The following VAV3 variants were observed in gnomAD, a reference collection of about 807,000 sequenced individuals.
VAV3 encodes the protein guanine nucleotide exchange factor VAV3.
A neutral mutation model predicts 131.2 loss-of-function variants in VAV3; 94 were observed. The observed-to-expected ratio is 0.72, with a 90% CI of 0.61 to 0.85. VAV3 has a LOEUF of 0.85. VAV3 is among the 40% of genes least tolerant of loss of function. The pLI is 0.00. For missense variants in VAV3, 939 were observed against 1,002.7 expected (o/e 0.94, Z 0.86); for synonymous variants, 349 against 342.0 (o/e 1.02, Z -0.22).
At chr1:107,948,395 C>T (rs1674372556) in intron 1 of VAV3, among the ~76,000 whole-genome samples, 1 of 152,074 alleles carries the variant, frequency 6.6e-6, no homozygotes, top group Admixed American at 6.6e-5. Flanking sequence ...GTAATGAAAA[C>T]CTGCATTTAG....
chr1:107,681,716 C>G (rs555971335), intron 19 of VAV3, among the ~76,000 whole-genome samples: 14 of 149,556 alleles, frequency 9.4e-5, no homozygotes, highest in Non-Finnish European at 1.8e-4. Context: ...TGCAGTGGCG[C>G]GATCTCGGCT....
intron 1 of VAV3, among the ~76,000 whole-genome samples, chr1:107,894,791 T>G (rs1159050835): frequency 2.0e-5 from 3 of 152,122 alleles, no homozygotes; most frequent in African/African-American, 7.2e-5. Context: ...CCCAAACATT[T>G]CCCCCATAGA....
chr1:107,953,866 C>A (rs901162721), intron 1 of VAV3, among the ~76,000 whole-genome samples: 2 of 152,188 alleles, frequency 1.3e-5, no homozygotes, highest in Non-Finnish European at 2.9e-5. Flanking sequence ...TATTAATTGA[C>A]CCTTTAAAGA....
At chr1:107,671,041 C>T (rs1373581555) in intron 19 of VAV3, among the ~76,000 whole-genome samples, 1 of 152,158 alleles carries the variant, frequency 6.6e-6, no homozygotes, top group African/African-American at 2.4e-5. Flanking sequence ...TTTGAAATGG[C>T]AAAGTTTCTT....
intron 20 of VAV3, among the ~76,000 whole-genome samples, chr1:107,624,590 A>T (rs1215941014): frequency 6.6e-6 from 1 of 152,184 alleles, no homozygotes; most frequent in Non-Finnish European, 1.5e-5. Context: ...AGGCTTAACA[A>T]AGGTCCAAAG....
intron 2 of VAV3, among the ~76,000 whole-genome samples, chr1:107,809,182 C>T (rs1385476805): frequency 6.6e-6 from 1 of 152,144 alleles, no homozygotes; most frequent in Non-Finnish European, 1.5e-5. Flanking sequence ...AAAGCCTCAT[C>T]ATTTCTTTCT....
intron 2 of VAV3, among the ~76,000 whole-genome samples, chr1:107,843,829 A>G (rs1236264036): frequency 6.6e-6 from 1 of 151,988 alleles, no homozygotes; most frequent in African/African-American, 2.4e-5. Flanking sequence ...ACGTACCCCT[A>G]CAGAGCGGGG....
chr1:107,694,803 T>G (rs1191632494), intron 17 of VAV3, among the ~76,000 whole-genome samples: 2 of 152,180 alleles, frequency 1.3e-5, no homozygotes, highest in Admixed American at 1.3e-4. Flanking sequence ...CACTACTTCC[T>G]TGAGGTCAAA....
At chr1:107,706,690 A>G (rs1660474756) in intron 15 of VAV3, among the ~76,000 whole-genome samples, 1 of 152,174 alleles carries the variant, frequency 6.6e-6, no homozygotes, top group African/African-American at 2.4e-5. Flanking sequence ...TGAAAACTCC[A>G]TCAAAACCTG....
At chr1:107,918,007 T>C (rs1173480962) in intron 1 of VAV3, among the ~76,000 whole-genome samples, 1 of 152,212 alleles carries the variant, frequency 6.6e-6, no homozygotes, top group Non-Finnish European at 1.5e-5. Context: ...CAGTTAATTA[T>C]TTAATCGACA....
intron 1 of VAV3, among the ~76,000 whole-genome samples, chr1:107,875,635 T>C (rs1231773622): frequency 1.3e-5 from 2 of 152,084 alleles, no homozygotes; most frequent in Non-Finnish European, 2.9e-5. Context: ...ATGATGAAGA[T>C]CTTTATGGGA....
chr1:107,903,265 G>C (rs1671956706), intron 1 of VAV3, among the ~76,000 whole-genome samples: 1 of 152,192 alleles, frequency 6.6e-6, no homozygotes, highest in Non-Finnish European at 1.5e-5. Flanking sequence ...AGAGCAGGAA[G>C]CTTCTGCAGC....
chr1:107,880,209 T>C (rs1018908031), intron 1 of VAV3, among the ~76,000 whole-genome samples: 1 of 152,152 alleles, frequency 6.6e-6, no homozygotes, highest in Non-Finnish European at 1.5e-5. Context: ...GAATAACTGA[T>C]ACATGAGGTA....
intron 2 of VAV3, among the ~76,000 whole-genome samples, chr1:107,816,655 T>A (rs1254868190): frequency 6.6e-6 from 1 of 152,254 alleles, no homozygotes; most frequent in Non-Finnish European, 1.5e-5. Flanking sequence ...CTAGGAGTTA[T>A]AAGAACTTTA....
intron 15 of VAV3, among the ~76,000 whole-genome samples, chr1:107,746,706 T>G (rs1484990223): frequency 6.6e-6 from 1 of 152,174 alleles, no homozygotes; most frequent in Non-Finnish European, 1.5e-5. Flanking sequence ...TTGGTCAGTA[T>G]TATGTAACAG....
At chr1:107,611,319 T>C (rs1652708409) in intron 21 of VAV3, among the ~76,000 whole-genome samples, 2 of 152,152 alleles carry the variant, frequency 1.3e-5, no homozygotes, top group African/African-American at 4.8e-5. Flanking sequence ...AATATTTTTA[T>C]CCTATGGATT....
chr1:107,874,911 T>G lies in VAV3; in HGVS notation c.311A>C (p.Asp104Ala), dbSNP rs1280298146. 1.2e-6 allele frequency: 2 copies of G among 1,612,986 alleles called. No homozygotes were observed. Among genetic ancestry groups the G allele is most frequent in the African/African-American group, 2.7e-5 (2 of 74,860 alleles). ...ATGAAGTATAATTACCTTTCCAAAGTCACGAACATCAAACAAGTCAAATGC... is the reference window on the plus strand; with the variant it reads ...ATGAAGTATAATTACCTTTCCAAAGGCACGAACATCAAACAAGTCAAATGC... ...FEAFDLFDVR[D>A]FGKVIETLSR... The change falls in exon 2 of 27, where the codon GAC becomes GCC. Residue 104 changes from aspartate (D) to alanine (A), a missense_variant. Transcript: ENST00000370056.
intron 1 of VAV3, among the ~76,000 whole-genome samples, chr1:107,890,634 C>G (rs1056724714): frequency 6.6e-6 from 1 of 152,232 alleles, no homozygotes; most frequent in Non-Finnish European, 1.5e-5. Context: ...AACTCGAATT[C>G]TGTTAATTCC....
At chr1:107,673,866 GT>G (rs1404261725) in intron 19 of VAV3, among the ~76,000 whole-genome samples, 2 of 152,278 alleles carry the variant, frequency 1.3e-5, no homozygotes, top group East Asian at 3.9e-4. Flanking sequence ...AGGATTATAG[GT>G]AATTTGTCCA....
Sources: gnomAD v4.1 joint callset for allele counts (sites outside exome capture counted in the v4.1 genomes callset) on GRCh38, gnomAD v4.1.1 for gene constraint, MANE v1.5 for transcripts, NCBI Gene and HGNC (gene_info 2026-07-23, HGNC 2026-07-21) for gene names.